Variants in LDLRAD3 observed in about 807,000 individuals in gnomAD.
LDLRAD3 encodes the protein low density lipoprotein receptor class A domain containing 3.
Under a neutral mutation model 29.4 loss-of-function variants are expected in LDLRAD3, and 20 were observed. The observed-to-expected ratio is 0.68, with a 90% CI of 0.48 to 0.99. The LOEUF (loss-of-function observed/expected upper bound fraction) is 0.99, where lower values mean the gene tolerates loss of function less well. Among genes scored for constraint, LDLRAD3 ranks in the 50% least tolerant of loss-of-function variants. LDLRAD3 has a pLI of 0.00. For missense variants in LDLRAD3, 420 were observed against 454.3 expected, an observed-to-expected ratio of 0.92 and a Z score of 0.69; for synonymous variants, 157 against 192.7, an observed-to-expected ratio of 0.81 and a Z score of 1.53.
intron 5 of LDLRAD3, among the ~76,000 whole-genome samples, chr11:36,227,780 C>G (rs1479904210): frequency 6.6e-6 from 1 of 152,178 alleles, no homozygotes; most frequent in Non-Finnish European, 1.5e-5. Flanking sequence ...TCCTGGCCTG[C>G]TCCTCCTGGG....
At chr11:35,971,452 C>T (rs1285093742) in intron 1 of LDLRAD3, among the ~76,000 whole-genome samples, 1 of 152,132 alleles carries the variant, frequency 6.6e-6, no homozygotes, top group Non-Finnish European at 1.5e-5. Context: ...TAGGCTGTAG[C>T]CCAGTTTGAC....
chr11:35,958,255 G>A (rs1432043115), intron 1 of LDLRAD3, among the ~76,000 whole-genome samples: 1 of 152,186 alleles, frequency 6.6e-6, no homozygotes, highest in African/African-American at 2.4e-5. Context: ...AGTCCCATGT[G>A]GCTGATGGGA....
intron 4 of LDLRAD3, among the ~76,000 whole-genome samples, chr11:36,178,967 G>T (rs1854717685): frequency 6.6e-6 from 1 of 152,162 alleles, no homozygotes; most frequent in Non-Finnish European, 1.5e-5. Context: ...CCAGAGTATG[G>T]GCTGTCTGCC....
intron 3 of LDLRAD3, 124 bp downstream of exon 3, chr11:36,081,902 C>G: frequency 8.7e-7 from 1 of 1,155,370 alleles, no homozygotes; most frequent in South Asian, 1.5e-5. Flanking sequence ...CTTCTGTTAC[C>G]CAGATTCTGT....
chr11:36,033,154 T>C (rs1590216969), intron 1 of LDLRAD3, among the ~76,000 whole-genome samples: 1 of 152,180 alleles, frequency 6.6e-6, no homozygotes, highest in African/African-American at 2.4e-5. Flanking sequence ...ATTACAGGTG[T>C]GAGCTACCGT....
intron 1 of LDLRAD3, among the ~76,000 whole-genome samples, chr11:35,995,618 G>A (rs2133171929): frequency 6.6e-6 from 1 of 152,344 alleles, no homozygotes; most frequent in Non-Finnish European, 1.5e-5. Flanking sequence ...GACTTATTCT[G>A]TCTAGATATG....
At chr11:35,968,502 G>T (rs1338683711) in intron 1 of LDLRAD3, 14 of 353,742 alleles carry the variant, frequency 4.0e-5, no homozygotes, top group Non-Finnish European at 6.7e-5. Context: ...TTTTCCCGAG[G>T]TGTGTTGAGT....
chr11:36,100,996 A>G (rs982092607), intron 4 of LDLRAD3, among the ~76,000 whole-genome samples: 5 of 152,154 alleles, frequency 3.3e-5, no homozygotes, highest in Admixed American at 6.5e-5. Context: ...ACCATATTCC[A>G]CGTCCCATAA....
At chr11:36,084,038 C>T (rs549109624) in intron 3 of LDLRAD3, among the ~76,000 whole-genome samples, 26 of 152,208 alleles carry the variant, frequency 1.7e-4, no homozygotes, top group African/African-American at 6.3e-4. Flanking sequence ...TCTACCTCAG[C>T]CTTGTGAGTA....
At chr11:36,000,757 T>C (rs1220360036) in intron 1 of LDLRAD3, among the ~76,000 whole-genome samples, 7 of 151,912 alleles carry the variant, frequency 4.6e-5, no homozygotes, top group Admixed American at 3.9e-4. Flanking sequence ...GCGCGTGACA[T>C]GGAGATGGTG....
chr11:36,193,355 G>A (rs1854984732), intron 4 of LDLRAD3, among the ~76,000 whole-genome samples: 1 of 152,032 alleles, frequency 6.6e-6, no homozygotes, highest in African/African-American at 2.4e-5. Flanking sequence ...AGCTTATCTG[G>A]CCACCCTGAG....
chr11:36,111,261 G>C (rs925250803), intron 4 of LDLRAD3, among the ~76,000 whole-genome samples: 41 of 152,182 alleles, frequency 2.7e-4, no homozygotes, highest in African/African-American at 9.9e-4. Flanking sequence ...GGCAGGATGA[G>C]CCTGGGGAAT....
In LDLRAD3 at chr11:36,230,184, A is replaced by T. The variant is rs1855557091; in HGVS notation, c.*787A>T. The T allele has an allele frequency of 6.6e-6, 1 of 152,192 alleles. No homozygotes were observed. The allele number at this position is 152,192 out of a possible 1,614,324, so 9.4% of individuals were successfully genotyped here. A position where few individuals can be genotyped will look rare whatever the true frequency, so the allele number is the denominator to read the frequency against. ...CTAAAATGCAGGCTGCCAAGACCCT[A>T]CACCTGCCCTGGCTCTACAGCCACT... On this transcript the variant is annotated 3_prime_UTR_variant, in exon 6 of 6. Coordinates refer to ENST00000315571, the MANE Select transcript of LDLRAD3 (RefSeq NM_174902.4).
At chr11:35,958,814 G>C (rs1219458048) in intron 1 of LDLRAD3, among the ~76,000 whole-genome samples, 1 of 152,068 alleles carries the variant, frequency 6.6e-6, no homozygotes. Context: ...TTACCTAGGG[G>C]GTGGAAAAAA....
chr11:36,124,340 A>G (rs920320835), intron 4 of LDLRAD3, among the ~76,000 whole-genome samples: 1 of 152,210 alleles, frequency 6.6e-6, no homozygotes, highest in Admixed American at 6.5e-5. Context: ...GCAATATACT[A>G]TATGCCAGGC....
chr11:36,143,855 C>A (rs4756287), intron 4 of LDLRAD3, among the ~76,000 whole-genome samples: 2 of 150,832 alleles, frequency 1.3e-5, no homozygotes, highest in African/African-American at 4.9e-5. Flanking sequence ...AATCACTTCT[C>A]GAAAGACCTT....
chr11:36,146,460 T>C (rs1854195454), intron 4 of LDLRAD3, among the ~76,000 whole-genome samples: 1 of 152,252 alleles, frequency 6.6e-6, no homozygotes, highest in African/African-American at 2.4e-5. Flanking sequence ...CTTCTACATA[T>C]CATAGTATAT....
intron 4 of LDLRAD3, among the ~76,000 whole-genome samples, chr11:36,161,214 C>T (rs985516133): frequency 1.3e-4 from 20 of 152,138 alleles, no homozygotes; most frequent in Middle Eastern, 3.2e-3. Context: ...CCACATTAGT[C>T]AAGAGCTTTA....
intron 2 of LDLRAD3, among the ~76,000 whole-genome samples, chr11:36,067,092 T>A (rs567522854): frequency 4.6e-5 from 7 of 152,278 alleles, no homozygotes; most frequent in African/African-American, 1.2e-4. Flanking sequence ...CCCTCTTTTT[T>A]TTCACTAACA....
Sources: allele counts gnomAD v4.1 joint callset (sites outside exome capture counted in the v4.1 genomes callset), GRCh38; gene constraint gnomAD v4.1.1; transcripts MANE v1.5; gene names NCBI Gene and HGNC (gene_info 2026-07-23, HGNC 2026-07-21).